Variants in RIMS4 observed in about 807,000 individuals in gnomAD.
RIMS4 encodes the protein regulating synaptic membrane exocytosis protein 4.
Under a neutral mutation model 29.0 loss-of-function variants are expected in RIMS4, and 9 were observed. The ratio of observed to expected loss-of-function variants is 0.31; its 90% CI spans 0.19 to 0.54. RIMS4 has a LOEUF of 0.54. Among genes scored for constraint, RIMS4 ranks in the 20% least tolerant of loss-of-function variants. The pLI, the probability that RIMS4 is intolerant of heterozygous loss-of-function variation, is 0.94. For missense variants in RIMS4, 193 were observed against 365.7 expected (o/e 0.53, Z 3.85); for synonymous variants, 130 against 152.9 (o/e 0.85, Z 1.10).
chr20:44,791,762 A>G (rs1413376492), intron 1 of RIMS4, among the ~76,000 whole-genome samples: 2 of 152,136 alleles, frequency 1.3e-5, no homozygotes, highest in Non-Finnish European at 2.9e-5. Flanking sequence ...GACTTTGAAA[A>G]GGATGGTGGT....
intron 2 of RIMS4, among the ~76,000 whole-genome samples, chr20:44,770,001 C>CA (rs1260499684): frequency 1.3e-5 from 2 of 152,196 alleles, no homozygotes; most frequent in African/African-American, 4.8e-5. Flanking sequence ...TGCTAGCGAG[C>CA]ACTTGAAATA....
chr20:44,785,688 T>C (rs947574252), intron 1 of RIMS4, among the ~76,000 whole-genome samples: 1 of 152,102 alleles, frequency 6.6e-6, no homozygotes. Context: ...TGCTCCTCTC[T>C]TGAGCTTCAG....
intron 2 of RIMS4, among the ~76,000 whole-genome samples, chr20:44,765,544 A>G (rs572555522): frequency 1.3e-5 from 2 of 152,360 alleles, no homozygotes; most frequent in East Asian, 3.9e-4. Context: ...CCTGTCTCCT[A>G]GCCACAGATG....
At position 44,756,173 on chromosome 20, in the gene RIMS4, G is replaced by A. The variant is rs145060259; in HGVS notation, c.771C>T (p.Ser257=). 6.5e-4 allele frequency: 1,051 copies of A among 1,613,398 alleles called. 1 individual carries two copies. Among genetic ancestry groups the A allele is most frequent in the Non-Finnish European group, 7.5e-4 (888 of 1,179,822 alleles). ...CGCAGGGCCCCACGGTGCTCTCGAG[G>A]GACAACTGGGATGCCTGCCGGAGCA... ...GPLLRQASQL[S]LESTVGPCGE... Residue 257 remains serine, a synonymous_variant, in exon 6 of 6, where the codon TCC becomes TCT. Transcript: ENST00000372851. This position sits in a 1 kb window ranked among gnomAD's most constrained non-coding sequence, Gnocchi z 5.9.
chr20:44,767,239 T>C (rs571046632), intron 2 of RIMS4, among the ~76,000 whole-genome samples: 86 of 152,346 alleles, frequency 5.6e-4, no homozygotes, highest in Middle Eastern at 6.8e-3. Flanking sequence ...ATCTCAGGAT[T>C]AGGGCAGGTG....
intron 1 of RIMS4, among the ~76,000 whole-genome samples, chr20:44,784,542 C>T (rs1221316358): frequency 1.3e-5 from 2 of 152,260 alleles, no homozygotes; most frequent in African/African-American, 2.4e-5. Context: ...TCCAGCTTGG[C>T]TCATCCACGT....
chr20:44,764,013 T>C (rs1477663733), intron 2 of RIMS4, among the ~76,000 whole-genome samples: 3 of 134,062 alleles, frequency 2.2e-5, no homozygotes, highest in Non-Finnish European at 4.8e-5. Flanking sequence ...CATCCATTTA[T>C]CCATCCATCC....
rs571210190 is a variant in RIMS4, at chr20:44,752,756, C to T, written c.*3378G>A. ...GAAATGAGGCGCCCACAGCTGCTCC[C>T]ATTCCCTCACTGCCCCAGGCAGGAG... is the stretch of plus-strand genomic sequence containing the variant. On this transcript the variant is annotated 3_prime_UTR_variant, in exon 6 of 6. Coordinates refer to ENST00000372851, the MANE Select transcript of RIMS4 (RefSeq NM_182970.4). 2.0e-5 allele frequency: 3 copies of T among 152,632 alleles called. No homozygotes were observed. Among genetic ancestry groups the T allele is most frequent in the Admixed American group, 1.3e-4 (2 of 15,312 alleles). The allele number at this position is 152,632 out of a possible 1,614,324, so 9.5% of individuals were successfully genotyped here.
intron 1 of RIMS4, among the ~76,000 whole-genome samples, chr20:44,782,157 C>T (rs984699361): frequency 8.5e-5 from 13 of 152,188 alleles, no homozygotes; most frequent in Non-Finnish European, 1.8e-4. Context: ...TCCACTCCAC[C>T]TATTGTTGTA....
chr20:44,792,514 A>C (rs1477506837), intron 1 of RIMS4, among the ~76,000 whole-genome samples: 7 of 150,928 alleles, frequency 4.6e-5, no homozygotes, highest in Non-Finnish European at 1.0e-4. Flanking sequence ...CTGGTCTTGA[A>C]CTCTTGACCT....
intron 1 of RIMS4, among the ~76,000 whole-genome samples, chr20:44,790,074 T>C (rs538556516): frequency 3.9e-5 from 6 of 152,328 alleles, no homozygotes; most frequent in Non-Finnish European, 4.4e-5. Context: ...CCAAATGTGG[T>C]TGAACATCAG....
intron 2 of RIMS4, among the ~76,000 whole-genome samples, chr20:44,761,685 T>A (rs1172726207): frequency 6.6e-6 from 1 of 152,168 alleles, no homozygotes; most frequent in Non-Finnish European, 1.5e-5. Flanking sequence ...CACACTCGGG[T>A]TGCCTGGGAT....
At chr20:44,757,851 G>T (rs2066067433) in intron 3 of RIMS4, 80 bp from the exon 4 acceptor site, 2 of 1,288,282 alleles carry the variant, frequency 1.6e-6, no homozygotes, top group African/African-American at 1.5e-5. Flanking sequence ...CTTTACTTAG[G>T]GCTGAAACCC....
chr20:44,795,670 C>A (rs2066251937), intron 1 of RIMS4, among the ~76,000 whole-genome samples: 1 of 151,968 alleles, frequency 6.6e-6, no homozygotes, highest in Non-Finnish European at 1.5e-5. Flanking sequence ...AACAACCTCA[C>A]AGAGTAGTTT....
At chr20:44,785,988 T>A (rs6103862) in intron 1 of RIMS4, among the ~76,000 whole-genome samples, 39,492 of 152,004 alleles carry the variant, frequency 0.26, 5,831 homozygotes, top group East Asian at 0.47. Flanking sequence ...CTTCCAGCTG[T>A]GACATTCCAC....
At chr20:44,803,968 G>T (rs1426591390) in intron 1 of RIMS4, among the ~76,000 whole-genome samples, 1 of 152,202 alleles carries the variant, frequency 6.6e-6, no homozygotes, top group Non-Finnish European at 1.5e-5. Flanking sequence ...GTCACCTGCT[G>T]TTCTGACAGC....
intron 1 of RIMS4, among the ~76,000 whole-genome samples, chr20:44,808,862 G>C (rs552293278): frequency 3.2e-4 from 48 of 152,264 alleles, no homozygotes; most frequent in Middle Eastern, 6.8e-3. Context: ...TCTAAACCTG[G>C]GCCCAGGAAC....
rs34062472 is a variant in RIMS4 at position 44,755,994 on chromosome 20, G to C, written c.*140C>G. On this transcript the variant is annotated 3_prime_UTR_variant, in exon 6 of 6. Transcript: ENST00000372851. ...AGAAGGGGTGAGGAGGGGCCCAAGG[G>C]GGGGCAGGTCTCCCCGTTCTGCTTC... 32,521 of 692,996 alleles carry C rather than the reference G, an allele frequency of 0.047. 931 individuals are homozygous for C. The highest frequency in any genetic ancestry group is 0.055 in the Non-Finnish European group (22,012 of 402,978). The allele number at this position is 692,996 out of a possible 1,614,324, so 42.9% of individuals were successfully genotyped here. A position where few individuals can be genotyped will look rare whatever the true frequency, so the allele number is the denominator to read the frequency against.
chr20:44,763,627 T>C (rs2145447302), intron 2 of RIMS4, among the ~76,000 whole-genome samples: 1 of 152,370 alleles, frequency 6.6e-6, no homozygotes, highest in South Asian at 2.1e-4. Context: ...GCTGGCCTTT[T>C]ATTTTGTGTT....
Sources: allele counts gnomAD v4.1 joint callset (sites outside exome capture counted in the v4.1 genomes callset), GRCh38; gene constraint gnomAD v4.1.1; non-coding constraint Gnocchi (gnomAD v3.1); transcripts MANE v1.5; gene names NCBI Gene and HGNC (gene_info 2026-07-23, HGNC 2026-07-21).